UBE2E2: variants seen among roughly 807,000 people sequenced by gnomAD.
The protein encoded by UBE2E2 is ubiquitin conjugating enzyme E2 E2, also known as ubiquitin-conjugating enzyme E2 E2.
UBE2E2 carries 6 observed loss-of-function variants against 24.7 expected under a neutral mutation model. That is an observed-to-expected ratio of 0.24 (90% CI 0.13 to 0.48). The LOEUF is 0.48. Among genes scored for constraint, UBE2E2 ranks in the 20% least tolerant of loss-of-function variants. The pLI is 0.99. For synonymous variants in UBE2E2, 104 were observed against 83.6 expected (o/e 1.24, Z -1.33); for missense variants, 169 against 245.0 (o/e 0.69, Z 2.07).
intron 1 of UBE2E2, among the ~76,000 whole-genome samples, chr3:23,205,625 C>A (rs1361823001): frequency 6.6e-6 from 1 of 152,022 alleles, no homozygotes; most frequent in Non-Finnish European, 1.5e-5. Flanking sequence ...CTAAAAGTTC[C>A]TATAGTGGTT....
At chr3:23,211,560 T>C (rs1696325233) in intron 2 of UBE2E2, among the ~76,000 whole-genome samples, 1 of 151,936 alleles carries the variant, frequency 6.6e-6, no homozygotes, top group African/African-American at 2.4e-5. Flanking sequence ...CAGGTTAAAT[T>C]TTTAATGTAT....
intron 5 of UBE2E2, among the ~76,000 whole-genome samples, chr3:23,537,209 C>T (rs1695287138): frequency 6.6e-6 from 1 of 152,208 alleles, no homozygotes; most frequent in Admixed American, 6.5e-5. Flanking sequence ...CCATAAGCTG[C>T]CTTGTGGTGC....
At chr3:23,386,294 G>A (rs1015721556) in intron 3 of UBE2E2, among the ~76,000 whole-genome samples, 3 of 152,046 alleles carry the variant, frequency 2.0e-5, no homozygotes, top group Non-Finnish European at 4.4e-5. Context: ...CACCCTCTCC[G>A]TGGCTCCTCA....
chr3:23,587,492 T>C (rs1168234629), intron 5 of UBE2E2, among the ~76,000 whole-genome samples: 1 of 152,226 alleles, frequency 6.6e-6, no homozygotes, highest in African/African-American at 2.4e-5. Context: ...TGTGTTTCAC[T>C]AATATAAGTT....
chr3:23,316,468 T>C (rs1342564254), intron 3 of UBE2E2, among the ~76,000 whole-genome samples: 1 of 151,902 alleles, frequency 6.6e-6, no homozygotes, highest in Non-Finnish European at 1.5e-5. Flanking sequence ...TCACTTAGCT[T>C]GTGGTGAATG....
intron 4 of UBE2E2, among the ~76,000 whole-genome samples, chr3:23,518,795 C>T (rs369644516): frequency 6.6e-6 from 1 of 152,222 alleles, no homozygotes; most frequent in African/African-American, 2.4e-5. Flanking sequence ...TCCATCTCCC[C>T]CTCCCTTATT....
chr3:23,364,360 A>C (rs1316962625), intron 3 of UBE2E2, among the ~76,000 whole-genome samples: 2 of 152,154 alleles, frequency 1.3e-5, no homozygotes, highest in Admixed American at 1.3e-4. Context: ...AAGAATAAAT[A>C]AGATTGATAT....
chr3:23,374,625 T>C (rs944345836), intron 3 of UBE2E2, among the ~76,000 whole-genome samples: 2 of 152,178 alleles, frequency 1.3e-5, no homozygotes, highest in African/African-American at 4.8e-5. Context: ...CCTTTCGGGA[T>C]GAAACTGCAG....
intron 3 of UBE2E2, among the ~76,000 whole-genome samples, chr3:23,276,774 C>T (rs1175492425): frequency 6.6e-6 from 1 of 151,922 alleles, no homozygotes; most frequent in Non-Finnish European, 1.5e-5. Flanking sequence ...ATATTGTGAG[C>T]ATTTGTACTT....
At chr3:23,378,006 A>G (rs528877804) in intron 3 of UBE2E2, among the ~76,000 whole-genome samples, 14 of 152,246 alleles carry the variant, frequency 9.2e-5, no homozygotes, top group South Asian at 4.1e-4. Flanking sequence ...ACCACTCACA[A>G]TACCTAGTTT....
At chr3:23,465,012 T>C (rs1053025360) in intron 3 of UBE2E2, among the ~76,000 whole-genome samples, 8 of 152,228 alleles carry the variant, frequency 5.3e-5, no homozygotes, top group South Asian at 2.1e-4. Flanking sequence ...TGAGCTTTCA[T>C]TGACACACAA....
intron 3 of UBE2E2, among the ~76,000 whole-genome samples, chr3:23,333,789 CT>C (rs1380971216): frequency 6.6e-5 from 10 of 151,978 alleles, no homozygotes; most frequent in Non-Finnish European, 1.3e-4. Context: ...AGAGATATAT[CT>C]GATATATGTC....
chr3:23,354,106 TG>T (rs1405471112), intron 3 of UBE2E2, among the ~76,000 whole-genome samples: 2 of 152,160 alleles, frequency 1.3e-5, no homozygotes, highest in Non-Finnish European at 2.9e-5. Context: ...ATCTGATCTT[TG>T]ACAAACCTGA....
chr3:23,421,031 A>C (rs1697784362), intron 3 of UBE2E2, among the ~76,000 whole-genome samples: 1 of 152,224 alleles, frequency 6.6e-6, no homozygotes, highest in Admixed American at 6.5e-5. Context: ...TGACTTAATA[A>C]TAGGGAGAAT....
chr3:23,508,787 G>T lies in UBE2E2; in HGVS notation c.360+9047G>T, dbSNP rs553746748. Among the ~76,000 whole-genome samples the T allele has an allele frequency of 9.2e-5, 14 of 152,350 alleles. No homozygotes were observed. The East Asian group carries it at 1.2e-3, about 13-fold the overall frequency. ...GATATTACTGTCAGCATAACTGGGA[G>T]GGGTAGATAGGCCTAAATTCCTTCA... On this transcript the variant is annotated intron_variant, in intron 4 of 5. Transcript: ENST00000396703.
intron 3 of UBE2E2, among the ~76,000 whole-genome samples, chr3:23,392,218 G>A (rs746346409): frequency 2.6e-5 from 4 of 152,146 alleles, no homozygotes; most frequent in Non-Finnish European, 5.9e-5. Flanking sequence ...GTATGGCCTA[G>A]CGAATAATAT....
intron 3 of UBE2E2, among the ~76,000 whole-genome samples, chr3:23,487,594 T>C (rs1390685547): frequency 6.6e-6 from 1 of 152,214 alleles, no homozygotes; most frequent in Non-Finnish European, 1.5e-5. Context: ...TCTAGGCACC[T>C]TACATATATT....
rs1159388123 is a variant in UBE2E2 at position 23,515,121 on chromosome 3, GT to G, written c.360+15382del. 5.1e-3 allele frequency among the ~76,000 whole-genome samples: 89 copies of G among 17,330 alleles called. No individual in the cohort carries two copies. The African/African-American group carries it at 0.064, about 12-fold the overall frequency. 11.4% of individuals were successfully genotyped at this position (17,330 alleles called of 152,430 possible). A position where few individuals can be genotyped will look rare whatever the true frequency, so the allele number is the denominator to read the frequency against. On this transcript the variant is annotated intron_variant, in intron 4 of 5. Coordinates refer to ENST00000396703, the MANE Select transcript of UBE2E2 (RefSeq NM_152653.4). ...GTTGTAGGGACAAAATAAACTTGGGGTGTGTGTGTGTGTGTGTGTGTGTGTG... is the reference window on the plus strand; with the variant it reads ...GTTGTAGGGACAAAATAAACTTGGGGGTGTGTGTGTGTGTGTGTGTGTGTG...
intron 5 of UBE2E2, among the ~76,000 whole-genome samples, chr3:23,553,116 T>C (rs920061042): frequency 1.3e-5 from 2 of 152,090 alleles, no homozygotes; most frequent in African/African-American, 4.8e-5. Flanking sequence ...ATTTTCTCTT[T>C]TGTGTTAATG....
Sources: gnomAD v4.1 joint callset for allele counts (sites outside exome capture counted in the v4.1 genomes callset) on GRCh38, gnomAD v4.1.1 for gene constraint, MANE v1.5 for transcripts, NCBI Gene and HGNC (gene_info 2026-07-23, HGNC 2026-07-21) for gene names.